Variants in LAMA3 observed in about 807,000 individuals in gnomAD.
LAMA3 encodes laminin subunit alpha 3.
Under a neutral mutation model 402.0 loss-of-function variants are expected in LAMA3, and 281 were observed. The ratio of observed to expected loss-of-function variants is 0.70; its 90% confidence interval spans 0.63 to 0.77. The LOEUF (loss-of-function observed/expected upper bound fraction) is 0.77, where lower values mean the gene tolerates loss of function less well. Among genes scored for constraint, LAMA3 ranks in the 30% least tolerant of loss-of-function variants. The probability of loss-of-function intolerance (pLI) is 0.00; values close to 1 mark genes in which losing one functional copy is unlikely to be tolerated. For synonymous variants in LAMA3, 1,431 were observed against 1,558.4 expected, an observed-to-expected ratio of 0.92 and a Z score of 1.93; for missense variants, 3,840 against 4,215.5, an observed-to-expected ratio of 0.91 and a Z score of 2.47.
In LAMA3 at chr18:23,894,796, C is replaced by T. The variant is rs113162893; in HGVS notation, c.5462-111C>T. The T allele has an allele frequency of 6.7e-4, 918 of 1,367,338 alleles. 10 individuals carry two copies. The African/African-American group carries it at 0.012, about 17-fold the overall frequency. 84.7% of individuals were successfully genotyped at this position (1,367,338 alleles called of 1,614,324 possible). A position where few individuals can be genotyped will look rare whatever the true frequency, so the allele number is the denominator to read the frequency against. On this transcript the variant is annotated intron_variant, in intron 43 of 74. Transcript: ENST00000313654. Reference sequence around the variant, plus strand: ...CTGAGAAGGCCAGGGCTGTGGTTGTCACCCGTGACGATCTGCGTGCATGCC... The same window carrying T: ...CTGAGAAGGCCAGGGCTGTGGTTGTTACCCGTGACGATCTGCGTGCATGCC...
chr18:23,914,922 CCTCATGT>C (rs1599084549), intron 58 of LAMA3, 62 bp downstream of exon 58: 1 of 1,291,116 alleles, frequency 7.7e-7, no homozygotes, highest in East Asian at 2.4e-5. Flanking sequence ...ATGGTGATGA[CCTCATGT>C]CTCTAATTGT....
intron 32 of LAMA3, among the ~76,000 whole-genome samples, chr18:23,854,618 G>A (rs1321677609): frequency 4.0e-5 from 6 of 149,138 alleles, no homozygotes; most frequent in African/African-American, 1.5e-4. Context: ...TCCAGCCTGG[G>A]TGACAGAGCG....
At chr18:23,924,533 C>CA (rs1365443016) in intron 62 of LAMA3, among the ~76,000 whole-genome samples, 2 of 122,746 alleles carry the variant, frequency 1.6e-5, no homozygotes, top group Non-Finnish European at 3.3e-5. Context: ...ATACTTTGAC[C>CA]TTTTTTTTTC....
chr18:23,824,819 G>C (rs1054213682), intron 21 of LAMA3, among the ~76,000 whole-genome samples: 1 of 152,056 alleles, frequency 6.6e-6, no homozygotes, highest in Admixed American at 6.5e-5. Context: ...AGATAAAAAA[G>C]GTCTCCTAAA....
intron 1 of LAMA3, among the ~76,000 whole-genome samples, chr18:23,704,868 A>G (rs1598612211): frequency 9.2e-6 from 1 of 108,324 alleles, no homozygotes; most frequent in East Asian, 2.1e-4. Flanking sequence ...TAGTTAAGAA[A>G]GATCATAAAA....
chr18:23,893,567 AGT>A (rs2080768078), intron 42 of LAMA3, among the ~76,000 whole-genome samples: 1 of 152,082 alleles, frequency 6.6e-6, no homozygotes, highest in African/African-American at 2.4e-5. Flanking sequence ...TGGGTGAGAG[AGT>A]GAGACTCCCC....
intron 62 of LAMA3, 89 bp downstream of exon 62, chr18:23,921,674 C>A: frequency 7.8e-7 from 1 of 1,288,364 alleles, no homozygotes; most frequent in Non-Finnish European, 1.1e-6. Flanking sequence ...ATTTTTAATT[C>A]CACCAACAAA....
At chr18:23,805,344 C>T (rs2062942588) in intron 12 of LAMA3, among the ~76,000 whole-genome samples, 1 of 152,186 alleles carries the variant, frequency 6.6e-6, no homozygotes, top group East Asian at 1.9e-4. Flanking sequence ...ATCACCACCC[C>T]TGCATCTTTC....
chr18:23,847,890 T>G (rs575861781), intron 32 of LAMA3, among the ~76,000 whole-genome samples: 1 of 152,384 alleles, frequency 6.6e-6, no homozygotes, highest in African/African-American at 2.4e-5. Context: ...CCAGTCATCT[T>G]GGGCCGGCAG....
At position 23,714,076 on chromosome 18, in the gene LAMA3, A is replaced by G; in HGVS notation, c.447+4A>G. On this transcript the variant is annotated splice_donor_region_variant and intron_variant, in intron 2 of 74. Coordinates refer to ENST00000313654, the MANE Select transcript of LAMA3 (RefSeq NM_198129.4). ...CCTCACCTTGGATCTGGGGCAGGTG[A>G]GCTACACTTTTAACTGGAATGGGAA... 1 of 1,613,580 alleles carries G rather than the reference A, an allele frequency of 6.2e-7. No individual in the cohort carries two copies. Among genetic ancestry groups the G allele is most frequent in the Non-Finnish European group, 8.5e-7 (1 of 1,179,570 alleles).
intron 7 of LAMA3, among the ~76,000 whole-genome samples, chr18:23,759,299 C>T (rs1189224554): frequency 7.0e-6 from 1 of 142,666 alleles, no homozygotes; most frequent in East Asian, 2.0e-4. Flanking sequence ...TGCCACTGCA[C>T]TCCAGCCTGG....
At chr18:23,865,609 T>G (rs2064336845) in intron 36 of LAMA3, among the ~76,000 whole-genome samples, 1 of 151,988 alleles carries the variant, frequency 6.6e-6, no homozygotes, top group Non-Finnish European at 1.5e-5. Flanking sequence ...CACTGAATGG[T>G]AACTATTGGA....
intron 43 of LAMA3, 151 bp downstream of exon 43, chr18:23,894,499 C>G (rs1436712323): frequency 1.4e-6 from 1 of 735,806 alleles, no homozygotes; most frequent in African/African-American, 1.8e-5. Context: ...CAGCTTCTCT[C>G]TGTATGACCT....
intron 68 of LAMA3, 126 bp from the exon 69 acceptor site, chr18:23,943,662 C>A: frequency 1.2e-6 from 1 of 811,150 alleles, no homozygotes; most frequent in Non-Finnish European, 2.1e-6. Context: ...TTAATCAGTA[C>A]CTACGTTAGC....
intron 2 of LAMA3, among the ~76,000 whole-genome samples, chr18:23,733,379 G>A (rs2061424351): frequency 6.6e-6 from 1 of 152,190 alleles, no homozygotes; most frequent in Non-Finnish European, 1.5e-5. Flanking sequence ...CACAATCATG[G>A]CAGAAGGCGA....
At chr18:23,828,527 A>G (rs1397917749) in intron 23 of LAMA3, among the ~76,000 whole-genome samples, 1 of 152,196 alleles carries the variant, frequency 6.6e-6, no homozygotes, top group Non-Finnish European at 1.5e-5. Context: ...ATAGGTGTAC[A>G]TACATACATA....
At chr18:23,852,090 A>G (rs2063958487) in intron 32 of LAMA3, among the ~76,000 whole-genome samples, 1 of 152,198 alleles carries the variant, frequency 6.6e-6, no homozygotes. Flanking sequence ...GGGACATATT[A>G]TCCCCCTTCC....
At position 23,909,278 on chromosome 18, in the gene LAMA3, A is replaced by G. The variant is rs201930248; in HGVS notation, c.7141A>G (p.Arg2381Gly). 1 of 1,612,518 alleles carries G rather than the reference A, an allele frequency of 6.2e-7. No homozygotes were observed. The highest frequency in any genetic ancestry group is 1.3e-5 in the African/African-American group (1 of 75,074). Residue 2381 changes from arginine to glycine, a missense_variant, in exon 55 of 75, where the codon AGA becomes GGA. Coordinates refer to ENST00000313654, the MANE Select transcript of LAMA3 (RefSeq NM_198129.4). ...DRIRELIQQA[R>G]DAASKVAVPM... ...AATACGAGAACTAATTCAGCAGGCC[A>G]GAGATGCTGCCAGTAAGGTGAGTGT...
In LAMA3 at chr18:23,864,914, G is replaced by A. The variant is rs1037174646; in HGVS notation, c.4683+31G>A. The A allele has an allele frequency of 5.7e-6, 8 of 1,409,756 alleles. No individual in the cohort carries two copies. In the African/African-American group the frequency reaches 1.1e-4, roughly 20 times the overall value. The allele number at this position is 1,409,756 out of a possible 1,614,324, so 87.3% of individuals were successfully genotyped here. Reference sequence around the variant, plus strand: ...TATCAGAGCATGACCTAAGTGGCAGGAAGTGGCAGTTGCAGTTGGTGCTGA... The same window carrying A: ...TATCAGAGCATGACCTAAGTGGCAGAAAGTGGCAGTTGCAGTTGGTGCTGA... On this transcript the variant is annotated intron_variant, in intron 36 of 74. Coordinates refer to ENST00000313654, the MANE Select transcript of LAMA3 (RefSeq NM_198129.4).
Sources: allele counts gnomAD v4.1 joint callset (sites outside exome capture counted in the v4.1 genomes callset), GRCh38; gene constraint gnomAD v4.1.1; transcripts MANE v1.5; gene names NCBI Gene and HGNC (gene_info 2026-07-23, HGNC 2026-07-21).